The following GRIK1 variants were observed in gnomAD, a reference collection of about 807,000 sequenced individuals.
GRIK1 encodes glutamate receptor ionotropic, kainate 1.
Under a neutral mutation model 105.7 loss-of-function variants are expected in GRIK1, and 69 were observed. That is an observed-to-expected ratio of 0.65 (90% CI 0.54 to 0.80). The LOEUF (loss-of-function observed/expected upper bound fraction) is 0.80. Ranked by LOEUF, GRIK1 falls within the 30% of genes least tolerant of loss-of-function variation. GRIK1 has a pLI of 0.00. For synonymous variants in GRIK1, 438 were observed against 431.3 expected (o/e 1.02, Z -0.19); for missense variants, 1,109 against 1,167.3 (o/e 0.95, Z 0.73).
intron 1 of GRIK1, among the ~76,000 whole-genome samples, chr21:29,878,174 G>T (rs1368220617): frequency 6.6e-6 from 1 of 152,126 alleles, no homozygotes. Flanking sequence ...AAAGAGGAAA[G>T]TGGTCTGACT....
chr21:29,701,746 G>A (rs566220474), intron 1 of GRIK1, among the ~76,000 whole-genome samples: 1 of 152,210 alleles, frequency 6.6e-6, no homozygotes, highest in Non-Finnish European at 1.5e-5. Context: ...CTTGCCGTAA[G>A]AGTCTATTTC....
intron 1 of GRIK1, among the ~76,000 whole-genome samples, chr21:29,717,208 C>T (rs1353880057): frequency 6.6e-6 from 1 of 152,230 alleles, no homozygotes; most frequent in African/African-American, 2.4e-5. Flanking sequence ...GGGTGGACCC[C>T]TCATGGAGAA....
At chr21:29,545,987 T>C (rs1221121089) in intron 16 of GRIK1, among the ~76,000 whole-genome samples, 1 of 152,202 alleles carries the variant, frequency 6.6e-6, no homozygotes, top group African/African-American at 2.4e-5. Context: ...TCTTCTCTTC[T>C]TTCCAAGGGT....
At chr21:29,562,499 A>C (rs1419714407) in intron 14 of GRIK1, among the ~76,000 whole-genome samples, 1 of 152,106 alleles carries the variant, frequency 6.6e-6, no homozygotes, top group Non-Finnish European at 1.5e-5. Flanking sequence ...CTACTGAAAA[A>C]ATACAATTAG....
At chr21:29,547,019 G>T (rs1268870738) in intron 16 of GRIK1, among the ~76,000 whole-genome samples, 2 of 152,190 alleles carry the variant, frequency 1.3e-5, no homozygotes, top group African/African-American at 4.8e-5. Context: ...CTTCCTATGA[G>T]GTCCAGTCTC....
chr21:29,747,563 G>T (rs959183975), intron 1 of GRIK1, among the ~76,000 whole-genome samples: 2 of 152,180 alleles, frequency 1.3e-5, no homozygotes, highest in Non-Finnish European at 2.9e-5. Flanking sequence ...AGGCCGGGTG[G>T]CTCACACCTA....
At chr21:29,538,078 T>C (rs1253810160) in intron 16 of GRIK1, among the ~76,000 whole-genome samples, 194 bp from the exon 17 acceptor site, 1 of 152,174 alleles carries the variant, frequency 6.6e-6, no homozygotes, top group African/African-American at 2.4e-5. Context: ...GTTCTACATA[T>C]ACAGACAATA....
chr21:29,641,395 A>G (rs11911451), intron 7 of GRIK1, among the ~76,000 whole-genome samples: 5,793 of 152,294 alleles, frequency 0.038, 159 homozygotes, highest in African/African-American at 0.072. Flanking sequence ...CCATGTAGAC[A>G]TGCCTTTCAC....
chr21:29,762,891 A>G (rs1184145172), intron 1 of GRIK1, among the ~76,000 whole-genome samples: 1 of 152,264 alleles, frequency 6.6e-6, no homozygotes, highest in East Asian at 1.9e-4. Context: ...TCACACAGAC[A>G]GCTGAGATTA....
intron 1 of GRIK1, among the ~76,000 whole-genome samples, chr21:29,898,972 C>CAA (rs35671611): frequency 3.7e-4 from 54 of 145,292 alleles, no homozygotes; most frequent in Middle Eastern, 3.6e-3. Context: ...AACTCCGTCT[C>CAA]AAAAAAAAAA....
chr21:29,681,875 G>C (rs1231144973), intron 3 of GRIK1, among the ~76,000 whole-genome samples: 1 of 152,202 alleles, frequency 6.6e-6, no homozygotes. Context: ...TGAAGATGAA[G>C]AAACAGATGA....
At chr21:29,690,529 C>G (rs1285420781) in intron 2 of GRIK1, among the ~76,000 whole-genome samples, 3 of 152,174 alleles carry the variant, frequency 2.0e-5, no homozygotes, top group Non-Finnish European at 4.4e-5. Context: ...GTGCTGCTGT[C>G]TAATTAATTT....
chr21:29,836,249 A>C (rs1175235076), intron 1 of GRIK1, among the ~76,000 whole-genome samples: 1 of 152,242 alleles, frequency 6.6e-6, no homozygotes, highest in Non-Finnish European at 1.5e-5. Context: ...AATACAATGG[A>C]TAAACCAATC....
chr21:29,887,701 C>T (rs957591341), intron 1 of GRIK1, among the ~76,000 whole-genome samples: 30 of 152,124 alleles, frequency 2.0e-4, no homozygotes, highest in African/African-American at 7.0e-4. Flanking sequence ...AATCTTTTCC[C>T]TCTTCCTTCC....
chr21:29,615,606 G>A (rs887498960), intron 7 of GRIK1, among the ~76,000 whole-genome samples: 4 of 152,154 alleles, frequency 2.6e-5, no homozygotes, highest in African/African-American at 9.7e-5. Flanking sequence ...ACGGCGCCTG[G>A]CCCCACTATT....
intron 1 of GRIK1, among the ~76,000 whole-genome samples, chr21:29,705,695 ACCT>A (rs1468587565): frequency 3.9e-5 from 6 of 152,184 alleles, no homozygotes; most frequent in Non-Finnish European, 1.5e-5. Flanking sequence ...ATCAAATCTT[ACCT>A]CATCTTTTCA....
At chr21:29,836,946 A>G (rs2067824678) in intron 1 of GRIK1, among the ~76,000 whole-genome samples, 1 of 152,206 alleles carries the variant, frequency 6.6e-6, no homozygotes, top group Admixed American at 6.5e-5. Context: ...TTTTAGAGAT[A>G]AAGTCCAACT....
intron 7 of GRIK1, among the ~76,000 whole-genome samples, chr21:29,621,032 A>G (rs944508089): frequency 1.6e-4 from 24 of 151,698 alleles, no homozygotes; most frequent in African/African-American, 5.3e-4. Context: ...AATTTGGAGT[A>G]TTCTTTCTTG....
chr21:29,911,598 C>T (rs463063), intron 1 of GRIK1, among the ~76,000 whole-genome samples: 33,363 of 151,792 alleles, frequency 0.22, 4,145 homozygotes, highest in African/African-American at 0.34. Context: ...AACCCTAACA[C>T]GCAGTGGGAT....
Sources: allele counts gnomAD v4.1 joint callset (sites outside exome capture counted in the v4.1 genomes callset), GRCh38; gene constraint gnomAD v4.1.1; transcripts MANE v1.5; gene names NCBI Gene and HGNC (gene_info 2026-07-23, HGNC 2026-07-21).